Variants in DIP2C observed in about 807,000 individuals in gnomAD.
The protein encoded by DIP2C is DIP2 acetate--CoA ligase C (putative), also known as disco-interacting protein 2 homolog C.
In DIP2C, 33 loss-of-function variants were observed where a neutral mutation model predicts 192.4. The observed-to-expected ratio is 0.17, with a 90% CI of 0.13 to 0.23. DIP2C has a LOEUF of 0.23. Ranked by LOEUF, DIP2C falls within the 10% of genes least tolerant of loss-of-function variation. DIP2C has a pLI of 1.00. For missense variants in DIP2C, 1,537 were observed against 2,110.1 expected (o/e 0.73, Z 5.32); for synonymous variants, 979 against 864.1 (o/e 1.13, Z -2.33).
At chr10:461,576 C>T (rs1219262116) in intron 3 of DIP2C, among the ~76,000 whole-genome samples, 2 of 152,146 alleles carry the variant, frequency 1.3e-5, no homozygotes, top group Non-Finnish European at 2.9e-5. Flanking sequence ...GACTCCCACA[C>T]AGTAACAGTG....
In DIP2C at chr10:498,373, G is replaced by GC. The variant is rs200040012; in HGVS notation, c.86-11844dup. ...GCCTCAGCTGAAGGAAGTCCTCAGA[G>GC]CCCCTTGAATCTCCACACCTGAGTG... On this transcript the variant is annotated intron_variant, in intron 1 of 36. Transcript: ENST00000280886. Among the ~76,000 whole-genome samples, 186 of 152,252 alleles carry GC rather than the reference G, an allele frequency of 1.2e-3. 2 individuals carry two copies. The East Asian group carries it at 0.031, about 26-fold the overall frequency.
At chr10:392,014 C>T (rs1376431372) in intron 10 of DIP2C, among the ~76,000 whole-genome samples, 2 of 152,200 alleles carry the variant, frequency 1.3e-5, no homozygotes, top group African/African-American at 4.8e-5. Flanking sequence ...CCAACCAGCA[C>T]ATGCAGGGCA....
At chr10:338,836 CTGCACG>C (rs1958001904) in intron 29 of DIP2C, among the ~76,000 whole-genome samples, 1 of 145,114 alleles carries the variant, frequency 6.9e-6, no homozygotes, top group African/African-American at 2.8e-5. Context: ...CACCTGCACG[CTGCACG>C]CTGCACCCTG....
chr10:482,005 A>C (rs1349425281), intron 2 of DIP2C, among the ~76,000 whole-genome samples: 1 of 152,228 alleles, frequency 6.6e-6, no homozygotes, highest in African/African-American at 2.4e-5. Context: ...CCACCACCCA[A>C]CTATGACAGT....
In DIP2C at chr10:326,477, A is replaced by G. The variant is rs140707744; in HGVS notation, c.3924+529T>C. ...GAGGGAAGCCCTTATTCTTCCAGGAAGGAAATCCGCAGCTCTGCCTGCAGC... is the reference window on the plus strand; with the variant it reads ...GAGGGAAGCCCTTATTCTTCCAGGAGGGAAATCCGCAGCTCTGCCTGCAGC... On this transcript the variant is annotated intron_variant, in intron 31 of 36. Transcript: ENST00000280886. Among the ~76,000 whole-genome samples the G allele has an allele frequency of 1.4e-4, 22 of 152,320 alleles. 1 individual carries two copies. The highest frequency in any genetic ancestry group is 5.3e-4 in the African/African-American group (22 of 41,566).
intron 1 of DIP2C, among the ~76,000 whole-genome samples, chr10:609,419 C>G (rs1301221502): frequency 1.3e-5 from 2 of 152,184 alleles, no homozygotes; most frequent in Admixed American, 1.3e-4. Flanking sequence ...AATACTGGAG[C>G]AAGCTTGAAA....
chr10:630,174 G>A (rs1372283600), intron 1 of DIP2C: 1 of 152,204 alleles, frequency 6.6e-6, no homozygotes, highest in African/African-American at 2.4e-5. Context: ...CTCACGGAAC[G>A]ACGCCACCAT....
intron 22 of DIP2C, among the ~76,000 whole-genome samples, chr10:360,474 T>C (rs1241552834): frequency 6.6e-6 from 1 of 152,220 alleles, no homozygotes. Flanking sequence ...GCCGCATCGC[T>C]GGTATTATCA....
chr10:623,152 C>T (rs1251417272), intron 1 of DIP2C, among the ~76,000 whole-genome samples: 1 of 152,116 alleles, frequency 6.6e-6, no homozygotes, highest in Non-Finnish European at 1.5e-5. Flanking sequence ...TGTGAAGATT[C>T]AGGAGCACGA....
chr10:482,598 A>G (rs1843685092), intron 2 of DIP2C, among the ~76,000 whole-genome samples: 1 of 152,162 alleles, frequency 6.6e-6, no homozygotes, highest in South Asian at 2.1e-4. Context: ...TTCATAAATC[A>G]CTCAATACCA....
At chr10:497,890 T>C (rs187210528) in intron 1 of DIP2C, among the ~76,000 whole-genome samples, 1 of 152,374 alleles carries the variant, frequency 6.6e-6, no homozygotes, top group East Asian at 1.9e-4. Context: ...AATTTTTTCT[T>C]GAGACAGGTC....
chr10:417,711 A>G lies in DIP2C; in HGVS notation c.739+1354T>C, dbSNP rs1456511136. On this transcript the variant is annotated intron_variant, in intron 6 of 36. Transcript: ENST00000280886. The stretch of plus-strand genomic sequence containing the variant: ...CTGTCCGCCTGTGCCTGTCGGCTCA[A>G]ATAGGCCTCCCTGTCTGCCTGCGCC... Among the ~76,000 whole-genome samples the G allele has an allele frequency of 7.7e-3, 642 of 83,632 alleles. 111 individuals are homozygous for G. The highest frequency in any genetic ancestry group is 8.9e-3 in the Admixed American group (74 of 8,300). 54.9% of individuals were successfully genotyped at this position (83,632 alleles called of 152,430 possible).
At chr10:450,935 G>A (rs565034074) in intron 3 of DIP2C, among the ~76,000 whole-genome samples, 50 of 152,252 alleles carry the variant, frequency 3.3e-4, no homozygotes, top group African/African-American at 1.1e-3. Context: ...CTGTATGTGC[G>A]TACATGTATG....
chr10:494,778 C>T (rs935429353), intron 1 of DIP2C, among the ~76,000 whole-genome samples: 3 of 152,314 alleles, frequency 2.0e-5, no homozygotes, highest in East Asian at 1.9e-4. Flanking sequence ...AACCCTTGCA[C>T]GCTGTTGGTG....
chr10:408,113 TTTTTTG>T (rs1964937808), intron 9 of DIP2C, among the ~76,000 whole-genome samples: 1 of 150,508 alleles, frequency 6.6e-6, no homozygotes, highest in South Asian at 2.1e-4. Flanking sequence ...TTTGAATGAA[TTTTTTG>T]CATATGATGT....
chr10:394,419 TAC>T (rs1589693578), intron 10 of DIP2C, among the ~76,000 whole-genome samples: 1 of 146,574 alleles, frequency 6.8e-6, no homozygotes, highest in Non-Finnish European at 1.5e-5. Context: ...AGGAGGACAT[TAC>T]ATCACACAGT....
chr10:555,215 C>T (rs1848786927), intron 1 of DIP2C, among the ~76,000 whole-genome samples: 1 of 151,064 alleles, frequency 6.6e-6, no homozygotes, highest in Non-Finnish European at 1.5e-5. Context: ...CAAGCCATTA[C>T]TGAGGTCTCT....
At chr10:479,075 C>A (rs1843394637) in intron 2 of DIP2C, among the ~76,000 whole-genome samples, 1 of 152,188 alleles carries the variant, frequency 6.6e-6, no homozygotes, top group African/African-American at 2.4e-5. Flanking sequence ...ATTTTCAGGT[C>A]TGTCCCAGAG....
At chr10:371,965 T>C (rs1961012862) in intron 17 of DIP2C, among the ~76,000 whole-genome samples, 1 of 152,038 alleles carries the variant, frequency 6.6e-6, no homozygotes, top group Admixed American at 6.5e-5. Flanking sequence ...AATGCTAGGC[T>C]AGCCAAGATT....
Sources: gnomAD v4.1 joint callset for allele counts (sites outside exome capture counted in the v4.1 genomes callset) on GRCh38, gnomAD v4.1.1 for gene constraint, MANE v1.5 for transcripts, NCBI Gene and HGNC (gene_info 2026-07-23, HGNC 2026-07-21) for gene names.